The following TAF4 variants were observed in gnomAD, a reference collection of about 807,000 sequenced individuals.
TAF4 encodes transcription initiation factor TFIID subunit 4.
TAF4 carries 9 observed loss-of-function variants against 90.3 expected under a neutral mutation model. The observed-to-expected ratio is 0.10, with a 90% confidence interval of 0.06 to 0.17. The LOEUF is 0.17. TAF4 is among the 10% of genes least tolerant of loss of function. The probability of loss-of-function intolerance (pLI) is 1.00; values close to 1 mark genes in which losing one functional copy is unlikely to be tolerated. For missense variants in TAF4, 1,351 were observed against 1,370.7 expected, an observed-to-expected ratio of 0.99 and a Z score of 0.23; for synonymous variants, 818 against 638.9, an observed-to-expected ratio of 1.28 and a Z score of -4.23.
intron 14 of TAF4, among the ~76,000 whole-genome samples, chr20:61,984,160 C>T (rs2055567794): frequency 6.6e-6 from 1 of 152,162 alleles, no homozygotes; most frequent in African/African-American, 2.4e-5. Context: ...TGAGGAGCGG[C>T]TCGGGGATGT....
rs909059740 is a variant in TAF4, at chr20:62,043,704, G to A, written c.1360+20747C>T. Among the ~76,000 whole-genome samples the A allele has an allele frequency of 3.3e-5, 5 of 152,066 alleles. No individual in the cohort carries two copies. In the East Asian group the frequency reaches 5.8e-4, roughly 18 times the overall value. ...TCACTATCGTGTTACAACTGTACAC[G>A]TCACAAGCCATGCAGGTTTACAGCC... is the stretch of plus-strand genomic sequence containing the variant. On this transcript the variant is annotated intron_variant, in intron 1 of 14. Coordinates refer to ENST00000252996, the MANE Select transcript of TAF4 (RefSeq NM_003185.4).
At chr20:62,045,618 T>C (rs960320978) in intron 1 of TAF4, among the ~76,000 whole-genome samples, 2 of 152,218 alleles carry the variant, frequency 1.3e-5, no homozygotes, top group African/African-American at 4.8e-5. Flanking sequence ...GAGTACGTAC[T>C]ACTCAGAAAG....
At chr20:62,014,050 G>GTA (rs1409518363) in intron 2 of TAF4, among the ~76,000 whole-genome samples, 2 of 151,650 alleles carry the variant, frequency 1.3e-5, no homozygotes, top group Non-Finnish European at 2.9e-5. Context: ...GTGTGTATGT[G>GTA]TGTGTGTGTG....
At chr20:62,056,767 C>G (rs375891293) in intron 1 of TAF4, among the ~76,000 whole-genome samples, 1 of 152,130 alleles carries the variant, frequency 6.6e-6, no homozygotes, top group African/African-American at 2.4e-5. Context: ...ACTGTATTTT[C>G]TTCTTTACAG....
rs995937243 is a variant in TAF4 at position 62,003,955 on chromosome 20, T to C, written c.2224-77A>G. ...CCACTCAGTCCCTAGCAGGAGGTTC[T>C]TCCCTTCCCTTCCTTTGCACCCCAC... is the stretch of plus-strand genomic sequence containing the variant. On this transcript the variant is annotated intron_variant, in intron 7 of 14. Coordinates refer to ENST00000252996, the MANE Select transcript of TAF4 (RefSeq NM_003185.4). The C allele has an allele frequency of 2.0e-6, 3 of 1,467,780 alleles. No individual in the cohort carries two copies. The Admixed American group carries it at 7.5e-5, about 37-fold the overall frequency. The allele number at this position is 1,467,780 out of a possible 1,614,324, so 90.9% of individuals were successfully genotyped here.
intron 1 of TAF4, among the ~76,000 whole-genome samples, chr20:62,019,519 T>TCC (rs2055830645): frequency 6.6e-6 from 1 of 152,212 alleles, no homozygotes; most frequent in South Asian, 2.1e-4. Flanking sequence ...CTCTCCACTC[T>TCC]CCCAGCGGTT....
chr20:62,022,941 T>C (rs2055851922), intron 1 of TAF4, among the ~76,000 whole-genome samples: 1 of 150,586 alleles, frequency 6.6e-6, no homozygotes, highest in Admixed American at 6.6e-5. Flanking sequence ...AAAATGCTGA[T>C]TAAAACAAAA....
At chr20:62,046,796 A>G (rs770660494) in intron 1 of TAF4, among the ~76,000 whole-genome samples, 6 of 152,028 alleles carry the variant, frequency 3.9e-5, no homozygotes, top group Non-Finnish European at 8.8e-5. Flanking sequence ...GCAGCATCCC[A>G]CTGGGGTTTC....
rs150107525 is a variant in TAF4 at position 62,032,183 on chromosome 20, C to T, written c.1361-17476G>A. The stretch of plus-strand genomic sequence containing the variant: ...CATTTGGATGGTGCTTCCAGGCCAG[C>T]GGTGGGGGCAGTCAACTCTGCAAGC... On this transcript the variant is annotated intron_variant, in intron 1 of 14. Transcript: ENST00000252996. Among the ~76,000 whole-genome samples the T allele has an allele frequency of 4.6e-5, 7 of 152,270 alleles. No individual in the cohort carries two copies. In the East Asian group the frequency reaches 9.7e-4, roughly 21 times the overall value.
intron 1 of TAF4, among the ~76,000 whole-genome samples, chr20:62,043,937 C>A (rs534143035): frequency 6.6e-6 from 1 of 152,192 alleles, no homozygotes; most frequent in Non-Finnish European, 1.5e-5. Flanking sequence ...GCAGGCTGGA[C>A]GGGAAGACAC....
intron 1 of TAF4, among the ~76,000 whole-genome samples, chr20:62,035,543 C>T (rs2055927500): frequency 6.6e-6 from 1 of 151,668 alleles, no homozygotes; most frequent in African/African-American, 2.4e-5. Context: ...TAACTCACAC[C>T]ACACACAAAC....
At chr20:62,029,258 G>C (rs1261014982) in intron 1 of TAF4, among the ~76,000 whole-genome samples, 2 of 151,686 alleles carry the variant, frequency 1.3e-5, no homozygotes, top group African/African-American at 4.8e-5. Flanking sequence ...GCTGTTTGTT[G>C]TACTCATTCT....
In TAF4 at chr20:62,065,852, G is replaced by T; in HGVS notation, c.-42C>A. 8.2e-7 allele frequency: 1 copy of T among 1,213,482 alleles called. No homozygotes were observed. Among genetic ancestry groups the T allele is most frequent in the African/African-American group, 1.6e-5 (1 of 61,138 alleles). 75.2% of individuals were successfully genotyped at this position (1,213,482 alleles called of 1,614,324 possible). ...CCGCCGCCGCCGCCGCTCGGGCCGA[G>T]CGCGCCTGGGCGAGGAGGAGGTTCC... On this transcript the variant is annotated 5_prime_UTR_variant, in exon 1 of 15. Coordinates refer to ENST00000252996, the MANE Select transcript of TAF4 (RefSeq NM_003185.4).
chr20:61,981,038 T>C (rs2123092922), intron 14 of TAF4: 1 of 151,800 alleles, frequency 6.6e-6, no homozygotes, highest in South Asian at 2.1e-4. Flanking sequence ...GGCCACTGGG[T>C]GGTGAGGCAG....
chr20:62,045,508 C>T (rs574429009), intron 1 of TAF4, among the ~76,000 whole-genome samples: 3 of 152,382 alleles, frequency 2.0e-5, no homozygotes, highest in East Asian at 3.9e-4. Context: ...GAGCCACACA[C>T]CCGTGGTCTC....
At chr20:62,000,053 G>C in intron 11 of TAF4, 71 bp downstream of exon 11, 1 of 1,608,396 alleles carries the variant, frequency 6.2e-7, no homozygotes, top group Non-Finnish European at 8.5e-7. Context: ...GGTGTGGGGA[G>C]GAGGCTCCCA....
intron 1 of TAF4, among the ~76,000 whole-genome samples, chr20:62,017,227 G>T (rs763975945): frequency 6.6e-6 from 1 of 152,142 alleles, no homozygotes; most frequent in Non-Finnish European, 1.5e-5. Flanking sequence ...GGAATGGGAC[G>T]GAAACAGGAC....
intron 7 of TAF4, among the ~76,000 whole-genome samples, chr20:62,004,330 T>C (rs1342822172): frequency 7.5e-6 from 1 of 134,112 alleles, no homozygotes; most frequent in Admixed American, 7.4e-5. Flanking sequence ...TTTCTTTTCT[T>C]TTTTTTTTTT....
chr20:62,043,272 T>C lies in TAF4; in HGVS notation c.1360+21179A>G, dbSNP rs188604257. 4.7e-3 allele frequency among the ~76,000 whole-genome samples: 723 copies of C among 152,268 alleles called. 3 individuals are homozygous for C. Among genetic ancestry groups the C allele is most frequent in the Non-Finnish European group, 7.9e-3 (536 of 68,004 alleles). ...AGGTCAAGGCTGCAGTAAGCCATGA[T>C]TGCGTCACTGCACTCCAGCCTGGGT... is the stretch of plus-strand genomic sequence containing the variant. On this transcript the variant is annotated intron_variant, in intron 1 of 14. Coordinates refer to ENST00000252996, the MANE Select transcript of TAF4 (RefSeq NM_003185.4).
Sources: gnomAD v4.1 joint callset for allele counts (sites outside exome capture counted in the v4.1 genomes callset) on GRCh38, gnomAD v4.1.1 for gene constraint, MANE v1.5 for transcripts, NCBI Gene and HGNC (gene_info 2026-07-23, HGNC 2026-07-21) for gene names.